Variants in CPB1 observed in about 807,000 individuals in gnomAD.
The protein encoded by CPB1 is carboxypeptidase B.
In CPB1, 53 loss-of-function variants were observed where a neutral mutation model predicts 51.4. The ratio of observed to expected loss-of-function variants is 1.03; its 90% CI spans 0.83 to 1.30. The LOEUF is 1.30. Ranked by LOEUF, CPB1 falls within the 50% of genes most tolerant of loss-of-function variation. The pLI is 0.00. For synonymous variants in CPB1, 189 were observed against 186.9 expected (o/e 1.01, Z -0.09); for missense variants, 494 against 516.2 (o/e 0.96, Z 0.42).
intron 3 of CPB1, among the ~76,000 whole-genome samples, chr3:148,838,567 G>C (rs570152353): frequency 6.7e-4 from 102 of 152,036 alleles, no homozygotes; most frequent in African/African-American, 1.9e-3. Flanking sequence ...TGTTATCCTT[G>C]AATATCATTT....
chr3:148,845,483 G>GA lies in CPB1; in HGVS notation c.842dup (p.Glu282GlyfsTer7), dbSNP rs1379853781. 6.2e-7 allele frequency: 1 copy of GA among 1,613,826 alleles called. No individual in the cohort carries two copies. Among genetic ancestry groups the GA allele is most frequent in the Admixed American group, 1.7e-5 (1 of 59,974 alleles). ...TTACTGTGGACCTGCCGCAGAGTCT[G>GA]AAAAGGAGACCAAGGCCCTGGCTGA... On this transcript the variant is annotated frameshift_variant, in exon 9 of 11. Coordinates refer to ENST00000282957, the MANE Select transcript of CPB1 (RefSeq NM_001871.3). LOFTEE classifies it high-confidence loss of function.
chr3:148,843,192 T>C (rs1713138019), intron 6 of CPB1, among the ~76,000 whole-genome samples: 1 of 152,104 alleles, frequency 6.6e-6, no homozygotes, highest in Non-Finnish European at 1.5e-5. Flanking sequence ...TACAGTTTAG[T>C]TTATAGTATT....
intron 9 of CPB1, among the ~76,000 whole-genome samples, chr3:148,846,797 G>GTGTATGTATATATATATATATATA (rs1364486523): frequency 2.0e-5 from 1 of 50,562 alleles, no homozygotes; most frequent in Admixed American, 2.8e-4. Context: ...GTGTGCGTGT[G>GTGTATGTATATATATATATATATA]TATATATATA....
intron 2 of CPB1, among the ~76,000 whole-genome samples, chr3:148,830,745 G>C (rs73010187): frequency 0.032 from 4,930 of 152,078 alleles, 307 homozygotes; most frequent in African/African-American, 0.11. Context: ...AGTAGTAATA[G>C]AATAAACAAG....
rs548055033 is a variant in CPB1 at position 148,846,481 on chromosome 3, G to A, written c.981+855G>A. 2.0e-5 allele frequency among the ~76,000 whole-genome samples: 3 copies of A among 151,686 alleles called. No homozygotes were observed. In the South Asian group the frequency reaches 6.2e-4, roughly 32 times the overall value. On this transcript the variant is annotated intron_variant, in intron 9 of 10. Transcript: ENST00000282957. ...ATGTATTCCATTTAGACAATGACAT[G>A]GATATTTGGCTTACCTAAATGCATA...
At chr3:148,835,375 A>G (rs1223948279) in intron 3 of CPB1, among the ~76,000 whole-genome samples, 2 of 152,184 alleles carry the variant, frequency 1.3e-5, no homozygotes, top group Non-Finnish European at 2.9e-5. Context: ...AGTAGTATTT[A>G]ACAGATGGAA....
rs2108015384 is a variant in CPB1, at chr3:148,842,074, A to G, written c.576+150A>G. 3 of 628,978 alleles carry G rather than the reference A, an allele frequency of 4.8e-6. No individual in the cohort carries two copies. In the East Asian group the frequency reaches 8.4e-5, roughly 18 times the overall value. The allele number at this position is 628,978 out of a possible 1,614,324, so 39.0% of individuals were successfully genotyped here. ...AATTAGTTTCAACTTCCACCAACAG[A>G]CCTTTATAAGGCAGAAAATTCTATT... On this transcript the variant is annotated intron_variant, in intron 6 of 10. Coordinates refer to ENST00000282957, the MANE Select transcript of CPB1 (RefSeq NM_001871.3).
At chr3:148,836,190 A>C (rs1010468608) in intron 3 of CPB1, among the ~76,000 whole-genome samples, 1 of 152,050 alleles carries the variant, frequency 6.6e-6, no homozygotes, top group South Asian at 2.1e-4. Flanking sequence ...AGTAACTGCT[A>C]TGTTTAACCC....
At chr3:148,828,140 G>A (rs1712626847) in intron 2 of CPB1, 63 bp downstream of exon 2, 26 of 1,264,876 alleles carry the variant, frequency 2.1e-5, no homozygotes, top group South Asian at 5.2e-5. Context: ...CTGTGATTCC[G>A]ACAATGGAAA....
intron 6 of CPB1, among the ~76,000 whole-genome samples, chr3:148,843,775 C>T (rs945875588): frequency 5.3e-5 from 8 of 152,028 alleles, no homozygotes; most frequent in African/African-American, 9.7e-5. Context: ...ACTGTGACTA[C>T]GAGAACATAT....
chr3:148,828,701 C>T (rs949327186), intron 2 of CPB1, among the ~76,000 whole-genome samples: 4 of 152,186 alleles, frequency 2.6e-5, no homozygotes, highest in African/African-American at 9.6e-5. Context: ...TGGCAGGAAG[C>T]TATTGCTGAC....
At position 148,845,923 on chromosome 3, in the gene CPB1, A is replaced by C. The variant is rs116511733; in HGVS notation, c.981+297A>C. On this transcript the variant is annotated intron_variant, in intron 9 of 10. Transcript: ENST00000282957. ...TGACTTACATGATGATTTCAGATGCATATGAGATAATCAACAAAGTTGCTT... is the reference window on the plus strand; with the variant it reads ...TGACTTACATGATGATTTCAGATGCCTATGAGATAATCAACAAAGTTGCTT... Among the ~76,000 whole-genome samples the C allele has an allele frequency of 2.4e-3, 359 of 152,318 alleles. 1 individual carries two copies. The highest frequency in any genetic ancestry group is 8.1e-3 in the African/African-American group (338 of 41,568).
intron 6 of CPB1, among the ~76,000 whole-genome samples, chr3:148,842,576 G>A (rs565945218): frequency 4.6e-5 from 7 of 152,182 alleles, no homozygotes; most frequent in Non-Finnish European, 8.8e-5. Flanking sequence ...CCTTCTTGCA[G>A]AAGAATTACA....
intron 9 of CPB1, among the ~76,000 whole-genome samples, chr3:148,848,025 T>C (rs1162817641): frequency 6.6e-6 from 1 of 152,186 alleles, no homozygotes; most frequent in Non-Finnish European, 1.5e-5. Flanking sequence ...ATCTGATTCA[T>C]TTGGTGTCTG....
intron 8 of CPB1, among the ~76,000 whole-genome samples, 169 bp downstream of exon 8, chr3:148,844,936 A>G (rs1449652913): frequency 6.6e-6 from 1 of 152,144 alleles, no homozygotes; most frequent in Non-Finnish European, 1.5e-5. Flanking sequence ...TGACCAAAAC[A>G]TATTGAGAAC....
At chr3:148,831,832 G>C (rs1008870713) in intron 2 of CPB1, among the ~76,000 whole-genome samples, 12 of 151,952 alleles carry the variant, frequency 7.9e-5, no homozygotes, top group African/African-American at 2.7e-4. Context: ...CATTCACAAG[G>C]TCCTGGTAAT....
intron 3 of CPB1, among the ~76,000 whole-genome samples, chr3:148,835,368 A>G (rs7646216): frequency 3.4e-3 from 520 of 152,324 alleles, no homozygotes; most frequent in African/African-American, 0.011. Flanking sequence ...GAATTGCAGT[A>G]GTATTTAACA....
At chr3:148,827,961 T>G in intron 1 of CPB1, 41 bp from the exon 2 acceptor site, 1 of 1,612,208 alleles carries the variant, frequency 6.2e-7, no homozygotes. Context: ...GACACATTAC[T>G]CATTTCCAAT....
At chr3:148,837,964 C>T (rs1341770485) in intron 3 of CPB1, among the ~76,000 whole-genome samples, 1 of 152,068 alleles carries the variant, frequency 6.6e-6, no homozygotes, top group African/African-American at 2.4e-5. Context: ...ATAATTTAAA[C>T]TCGGCCAGGC....
Sources: gnomAD v4.1 joint callset for allele counts (sites outside exome capture counted in the v4.1 genomes callset) on GRCh38, gnomAD v4.1.1 for gene constraint, MANE v1.5 for transcripts, NCBI Gene and HGNC (gene_info 2026-07-23, HGNC 2026-07-21) for gene names.